CLSTN2: variants seen among roughly 807,000 people sequenced by gnomAD.
CLSTN2 encodes calsyntenin-2.
CLSTN2 carries 48 observed loss-of-function variants against 101.2 expected under a neutral mutation model. The ratio of observed to expected loss-of-function variants is 0.47; its 90% CI spans 0.38 to 0.60. The LOEUF (loss-of-function observed/expected upper bound fraction) is 0.60. Ranked by LOEUF, CLSTN2 falls within the 20% of genes least tolerant of loss-of-function variation. CLSTN2 has a pLI of 0.00. For missense variants in CLSTN2, 1,160 were observed against 1,238.2 expected, an observed-to-expected ratio of 0.94 and a Z score of 0.95; for synonymous variants, 481 against 463.6, an observed-to-expected ratio of 1.04 and a Z score of -0.48.
intron 10 of CLSTN2, among the ~76,000 whole-genome samples, chr3:140,550,961 C>A (rs1935689641): frequency 6.6e-6 from 1 of 151,740 alleles, no homozygotes; most frequent in Non-Finnish European, 1.5e-5. Context: ...TAATAAGACG[C>A]CCAATTTATG....
In CLSTN2 at chr3:140,532,441, C is replaced by T; in HGVS notation, c.1462C>T (p.Pro488Ser). ...YLVTNDWPIH[P>S]SHIAMQLTVG... ...GGTGACCAACGACTGGCCCATTCAT[C>T]CATCTCACATAGCCATGCAACTCAC... The change falls in exon 9 of 17, where the codon CCA (proline) becomes TCA (serine). Residue 488 changes from proline (P) to serine (S), a missense_variant. Transcript: ENST00000458420. The T allele has an allele frequency of 6.2e-7, 1 of 1,613,976 alleles. No homozygotes were observed. Among genetic ancestry groups the T allele is most frequent in the Middle Eastern group, 1.6e-4 (1 of 6,062 alleles).
chr3:140,492,610 G>T (rs1934374261), intron 8 of CLSTN2, among the ~76,000 whole-genome samples: 1 of 152,214 alleles, frequency 6.6e-6, no homozygotes, highest in Non-Finnish European at 1.5e-5. Context: ...AACCAGAAAA[G>T]CTAAGCCTTT....
chr3:140,255,192 G>A (rs1048213330), intron 2 of CLSTN2, among the ~76,000 whole-genome samples: 47 of 152,118 alleles, frequency 3.1e-4, no homozygotes, highest in African/African-American at 1.0e-3. Context: ...ATGCTTATAC[G>A]CTGCTGGTGG....
chr3:140,533,710 C>T (rs1186414555), intron 9 of CLSTN2, among the ~76,000 whole-genome samples: 1 of 58,874 alleles, frequency 1.7e-5, no homozygotes, highest in Non-Finnish European at 4.1e-5. Context: ...GACTCCATCT[C>T]AAAAAAAAAA....
chr3:140,364,161 G>A (rs1316317471), intron 2 of CLSTN2, among the ~76,000 whole-genome samples: 1 of 152,130 alleles, frequency 6.6e-6, no homozygotes, highest in African/African-American at 2.4e-5. Flanking sequence ...TCACTTCCAA[G>A]GAGTGGACAC....
rs114408012 is a variant in CLSTN2 at position 139,953,626 on chromosome 3, T to C, written c.109+18143T>C. Among the ~76,000 whole-genome samples the C allele has an allele frequency of 9.4e-3, 1,436 of 152,258 alleles. 19 individuals are homozygous for C. Among genetic ancestry groups the C allele is most frequent in the African/African-American group, 0.032 (1,349 of 41,542 alleles). ...TGTCCTTACCAATGACTCACAGGCA[T>C]TGATGGAGCAGCATTCCAACTCCCC... On this transcript the variant is annotated intron_variant, in intron 1 of 16. Coordinates refer to ENST00000458420, the MANE Select transcript of CLSTN2 (RefSeq NM_022131.3).
intron 2 of CLSTN2, among the ~76,000 whole-genome samples, chr3:140,297,204 C>T (rs1344147167): frequency 1.3e-5 from 2 of 152,206 alleles, no homozygotes; most frequent in Non-Finnish European, 2.9e-5. Flanking sequence ...TTTATTCAGT[C>T]AGCCTCCGTC....
intron 2 of CLSTN2, among the ~76,000 whole-genome samples, chr3:140,328,131 C>T (rs2087348486): frequency 1.3e-5 from 2 of 152,236 alleles, no homozygotes; most frequent in Non-Finnish European, 2.9e-5. Context: ...TATGTATCTT[C>T]TCCAGCCACA....
chr3:140,129,796 C>T (rs1400011383), intron 1 of CLSTN2, among the ~76,000 whole-genome samples: 3 of 152,128 alleles, frequency 2.0e-5, no homozygotes, highest in African/African-American at 7.2e-5. Context: ...GCCAGGAGCC[C>T]TTTCTCTTGG....
intron 1 of CLSTN2, among the ~76,000 whole-genome samples, chr3:140,168,643 G>C (rs1260216770): frequency 6.6e-6 from 1 of 151,938 alleles, no homozygotes; most frequent in East Asian, 1.9e-4. Flanking sequence ...CTACATTCAG[G>C]ACTATGACTC....
chr3:140,515,188 C>A (rs114010961), intron 8 of CLSTN2, among the ~76,000 whole-genome samples: 6,278 of 152,154 alleles, frequency 0.041, 438 homozygotes, highest in African/African-American at 0.14. Flanking sequence ...CTTGAATGAT[C>A]TTTTGTATTT....
In CLSTN2 at chr3:140,571,083, G is replaced by A. The variant is rs560598097; in HGVS notation, c.*4830G>A. The A allele has an allele frequency of 1.8e-4, 28 of 152,360 alleles. No homozygotes were observed. The highest frequency in any genetic ancestry group is 5.8e-4 in the African/African-American group (24 of 41,568). The allele number at this position is 152,360 out of a possible 1,614,324, so 9.4% of individuals were successfully genotyped here. A position where few individuals can be genotyped will look rare whatever the true frequency, so the allele number is the denominator to read the frequency against. On this transcript the variant is annotated 3_prime_UTR_variant, in exon 17 of 17. Coordinates refer to ENST00000458420, the MANE Select transcript of CLSTN2 (RefSeq NM_022131.3). ...CGAGGTGATTGCCTGGTTACTGAGTGCTAACTCCACTGAGGCAAGTGTTAG... is the reference window on the plus strand; with the variant it reads ...CGAGGTGATTGCCTGGTTACTGAGTACTAACTCCACTGAGGCAAGTGTTAG...
chr3:139,999,300 G>C (rs2006765377), intron 1 of CLSTN2, among the ~76,000 whole-genome samples: 1 of 149,466 alleles, frequency 6.7e-6, no homozygotes, highest in Non-Finnish European at 1.5e-5. Flanking sequence ...TTGTTTCCAT[G>C]TTTATGTCCA....
At chr3:140,306,939 C>G (rs919513057) in intron 2 of CLSTN2, among the ~76,000 whole-genome samples, 1 of 151,654 alleles carries the variant, frequency 6.6e-6, no homozygotes, top group Non-Finnish European at 1.5e-5. Flanking sequence ...TGTGTCCCCA[C>G]CCAAATCTCA....
intron 1 of CLSTN2, among the ~76,000 whole-genome samples, chr3:140,110,431 C>T (rs377066449): frequency 6.6e-6 from 1 of 152,166 alleles, no homozygotes; most frequent in Non-Finnish European, 1.5e-5. Flanking sequence ...CATGGGGCAT[C>T]GTGTTATTGA....
At chr3:140,416,117 A>G (rs2088429425) in intron 4 of CLSTN2, among the ~76,000 whole-genome samples, 1 of 152,210 alleles carries the variant, frequency 6.6e-6, no homozygotes, top group Non-Finnish European at 1.5e-5. Flanking sequence ...AGAAATACAA[A>G]TGCCTCATGA....
At chr3:140,221,894 T>C (rs1015900699) in intron 2 of CLSTN2, among the ~76,000 whole-genome samples, 2 of 152,130 alleles carry the variant, frequency 1.3e-5, no homozygotes, top group African/African-American at 4.8e-5. Flanking sequence ...ACAAGTACTA[T>C]GGCAAACAGT....
At chr3:140,085,873 A>G (rs2008672565) in intron 1 of CLSTN2, among the ~76,000 whole-genome samples, 1 of 152,182 alleles carries the variant, frequency 6.6e-6, no homozygotes, top group South Asian at 2.1e-4. Flanking sequence ...ACCGGATCCT[A>G]TGCTTTAGCT....
intron 1 of CLSTN2, among the ~76,000 whole-genome samples, chr3:139,953,931 TTG>T (rs145225696): frequency 8.1e-5 from 12 of 147,474 alleles, no homozygotes; most frequent in African/African-American, 2.8e-4. Context: ...GTGTGTGTGT[TTG>T]TGTGTGTGTG....
Sources: allele counts gnomAD v4.1 joint callset (sites outside exome capture counted in the v4.1 genomes callset), GRCh38; gene constraint gnomAD v4.1.1; transcripts MANE v1.5; gene names NCBI Gene and HGNC (gene_info 2026-07-23, HGNC 2026-07-21).